Variants in SPPL3 observed in about 807,000 individuals in gnomAD.
The protein encoded by SPPL3 is signal peptide peptidase-like 3.
SPPL3 carries 5 observed loss-of-function variants against 42.4 expected under a neutral mutation model. That is an observed-to-expected ratio of 0.12 (90% confidence interval 0.06 to 0.25). The LOEUF (loss-of-function observed/expected upper bound fraction) is 0.25, where lower values mean the gene tolerates loss of function less well. Ranked by LOEUF, SPPL3 falls within the 10% of genes least tolerant of loss-of-function variation. SPPL3 has a pLI of 1.00. For missense variants in SPPL3, 235 were observed against 489.0 expected, an observed-to-expected ratio of 0.48 and a Z score of 4.90; for synonymous variants, 195 against 181.8, an observed-to-expected ratio of 1.07 and a Z score of -0.58.
At chr12:120,784,775 T>G (rs3213566) in intron 3 of SPPL3, among the ~76,000 whole-genome samples, 182 bp from the exon 4 acceptor site, 2 of 151,940 alleles carry the variant, frequency 1.3e-5, no homozygotes, top group South Asian at 2.1e-4. Flanking sequence ...GTTCTCTTCA[T>G]GGTGCCTTTC....
At chr12:120,837,825 C>T (rs979416183) in intron 1 of SPPL3, among the ~76,000 whole-genome samples, 9 of 151,646 alleles carry the variant, frequency 5.9e-5, no homozygotes, top group East Asian at 3.8e-4. Context: ...GTTACATACA[C>T]ACACACACAC....
chr12:120,878,997 C>A (rs1873196813), intron 1 of SPPL3, among the ~76,000 whole-genome samples: 1 of 151,028 alleles, frequency 6.6e-6, no homozygotes, highest in African/African-American at 2.4e-5. Context: ...CCTGTAATCC[C>A]AGCTACTTGG....
intron 1 of SPPL3, among the ~76,000 whole-genome samples, chr12:120,828,650 T>C (rs11065283): frequency 0.4 from 60,180 of 152,192 alleles, 14,035 homozygotes; most frequent in Middle Eastern, 0.56. Flanking sequence ...GTATTTATAG[T>C]GTGAATTGGT....
rs146756440 is a variant in SPPL3 at position 120,782,603 on chromosome 12, C to G, written c.502+52G>C. 3.3e-5 allele frequency: 43 copies of G among 1,314,200 alleles called. No homozygotes were observed. In the African/African-American group the frequency reaches 5.9e-4, roughly 18 times the overall value. The allele number at this position is 1,314,200 out of a possible 1,614,324, so 81.4% of individuals were successfully genotyped here. A position where few individuals can be genotyped will look rare whatever the true frequency, so the allele number is the denominator to read the frequency against. ...CAGCTCTGTGAATATCCTAAAGTAT[C>G]TATAAAACTCTATAAAGTAAAATTA... On this transcript the variant is annotated intron_variant, in intron 6 of 10. Coordinates refer to ENST00000353487, the MANE Select transcript of SPPL3 (RefSeq NM_139015.5).
chr12:120,903,540 C>T, intron 1 of SPPL3: 1 of 400,614 alleles, frequency 2.5e-6, no homozygotes. Context: ...AACTTCCCAT[C>T]CGTGGGATTC....
chr12:120,900,168 T>C (rs1216662952), intron 1 of SPPL3, among the ~76,000 whole-genome samples: 1 of 152,106 alleles, frequency 6.6e-6, no homozygotes, highest in African/African-American at 2.4e-5. Context: ...TTACATCTTA[T>C]TATACGAAAA....
intron 1 of SPPL3, among the ~76,000 whole-genome samples, chr12:120,881,144 T>A (rs1873266576): frequency 6.6e-6 from 1 of 151,746 alleles, no homozygotes; most frequent in Non-Finnish European, 1.5e-5. Flanking sequence ...TGGCAGTCAC[T>A]ATGGAAAATG....
chr12:120,802,855 T>C (rs1161765000), intron 2 of SPPL3, among the ~76,000 whole-genome samples: 1 of 152,226 alleles, frequency 6.6e-6, no homozygotes, highest in Non-Finnish European at 1.5e-5. Context: ...GTAAGATGGT[T>C]ATCTAAACAA....
chr12:120,830,119 G>A (rs1048785346), intron 1 of SPPL3, among the ~76,000 whole-genome samples: 3 of 149,536 alleles, frequency 2.0e-5, no homozygotes, highest in Non-Finnish European at 4.4e-5. Context: ...ACTCATGGTA[G>A]CTGTGAGAAG....
intron 1 of SPPL3, among the ~76,000 whole-genome samples, chr12:120,859,395 CCTTAT>C (rs1199671135): frequency 1.3e-5 from 2 of 152,138 alleles, no homozygotes; most frequent in South Asian, 2.1e-4. Flanking sequence ...TACATACCTT[CCTTAT>C]AAGACAAAGA....
At chr12:120,806,117 G>A (rs1225171232) in intron 2 of SPPL3, among the ~76,000 whole-genome samples, 3 of 149,544 alleles carry the variant, frequency 2.0e-5, no homozygotes, top group Non-Finnish European at 4.4e-5. Flanking sequence ...CTTTAAACGC[G>A]ACAACAATCA....
intron 1 of SPPL3, among the ~76,000 whole-genome samples, chr12:120,820,517 C>T (rs762416318): frequency 4.6e-5 from 7 of 151,782 alleles, no homozygotes; most frequent in Non-Finnish European, 8.8e-5. Context: ...GGGGTTTCAC[C>T]GTGTTAGCCA....
chr12:120,808,710 TAATTTGTAGAA>T (rs1870584391), intron 2 of SPPL3, among the ~76,000 whole-genome samples: 2 of 152,186 alleles, frequency 1.3e-5, no homozygotes, highest in Non-Finnish European at 2.9e-5. Flanking sequence ...GATATGAAGA[TAATTTGTAGAA>T]AGTATTTGTC....
chr12:120,871,136 A>AAAAAAAAAAG lies in SPPL3; in HGVS notation c.23+32708_23+32709insCTTTTTTTTT, dbSNP rs1464629667. Reference sequence around the variant, plus strand: ...CAGAGTGAGACTCCGTCTCCAAAAAAAAAAAAAAAAAAAGAAAAAGTTCTG... The same window carrying AAAAAAAAAAG: ...CAGAGTGAGACTCCGTCTCCAAAAAAAAAAAAAAAGAAAAAAAAAAAAAGAAAAAGTTCTG... On this transcript the variant is annotated intron_variant, in intron 1 of 10. Coordinates refer to ENST00000353487, the MANE Select transcript of SPPL3 (RefSeq NM_139015.5). Among the ~76,000 whole-genome samples, 7 of 149,194 alleles carry AAAAAAAAAAG rather than the reference A, an allele frequency of 4.7e-5. 1 individual carries two copies. Among genetic ancestry groups the AAAAAAAAAAG allele is most frequent in the Non-Finnish European group, 8.9e-5 (6 of 67,268 alleles).
chr12:120,783,326 A>G (rs1421786707), intron 5 of SPPL3, among the ~76,000 whole-genome samples: 3 of 152,232 alleles, frequency 2.0e-5, no homozygotes, highest in Admixed American at 2.0e-4. Flanking sequence ...GACCAAAGGC[A>G]AAGAAGAACG....
At chr12:120,859,851 G>C (rs1168146817) in intron 1 of SPPL3, among the ~76,000 whole-genome samples, 1 of 152,114 alleles carries the variant, frequency 6.6e-6, no homozygotes, top group Non-Finnish European at 1.5e-5. Context: ...GCTGAGGCAG[G>C]AGAACTGCTT....
chr12:120,864,606 C>A (rs184833155), intron 1 of SPPL3, among the ~76,000 whole-genome samples: 64 of 152,308 alleles, frequency 4.2e-4, no homozygotes, highest in Non-Finnish European at 6.3e-4. Flanking sequence ...CAAATATTAT[C>A]AGTCCTTTCA....
chr12:120,859,225 A>G (rs1449008330), intron 1 of SPPL3, among the ~76,000 whole-genome samples: 1 of 152,186 alleles, frequency 6.6e-6, no homozygotes, highest in East Asian at 1.9e-4. Context: ...CTGGTTGAAC[A>G]CTGCAAATCC....
chr12:120,904,350 C>A lies in SPPL3; in HGVS notation c.-483G>T, dbSNP rs1593020746. The A allele has an allele frequency of 1.2e-5, 2 of 161,606 alleles. No individual in the cohort carries two copies. Among genetic ancestry groups the A allele is most frequent in the Middle Eastern group, 6.3e-3 (2 of 320 alleles). The allele number at this position is 161,606 out of a possible 1,614,324, so 10.0% of individuals were successfully genotyped here. On this transcript the variant is annotated 5_prime_UTR_variant, in exon 1 of 11. Coordinates refer to ENST00000353487, the MANE Select transcript of SPPL3 (RefSeq NM_139015.5). ...GGCGAGGCCACTCGATCACACCCGC[C>A]GAGGGGAGGAGGGGCGGGGGCGGGG... is the stretch of plus-strand genomic sequence containing the variant.
Sources: gnomAD v4.1 joint callset for allele counts (sites outside exome capture counted in the v4.1 genomes callset) on GRCh38, gnomAD v4.1.1 for gene constraint, MANE v1.5 for transcripts, NCBI Gene and HGNC (gene_info 2026-07-23, HGNC 2026-07-21) for gene names.